Variants in USP33 observed in about 807,000 individuals in gnomAD.
The protein encoded by USP33 is ubiquitin specific peptidase 33.
In USP33, 46 loss-of-function variants were observed where a neutral mutation model predicts 124.2. That is an observed-to-expected ratio of 0.37 (90% CI 0.29 to 0.47). The LOEUF (loss-of-function observed/expected upper bound fraction) is 0.47. USP33 is among the 20% of genes least tolerant of loss of function. The pLI is 0.99. For synonymous variants in USP33, 350 were observed against 352.3 expected (o/e 0.99, Z 0.07); for missense variants, 851 against 1,070.6 (o/e 0.79, Z 2.86).
Position 77,734,352 on chromosome 1 carries a change from A to G in USP33, c.519T>C (p.Ser173=). 1 of 1,587,970 alleles carries G rather than the reference A, an allele frequency of 6.3e-7. No homozygotes were observed. Among genetic ancestry groups the G allele is most frequent in the Non-Finnish European group, 8.5e-7 (1 of 1,170,218 alleles). ...CYMNAALQAL[S]NCPPLTQFFL... ...AAATTAATTTCTCTATTTACCAATT[A>G]GAAAGAGCCTGCAAAGCTGCATTCA... Residue 173 remains serine (S), a synonymous_variant, in exon 7 of 24, where the codon TCT becomes TCC. Coordinates refer to ENST00000370794, the MANE Select transcript of USP33 (RefSeq NM_201624.3).
At chr1:77,711,521 T>A in intron 21 of USP33, 1 of 517,790 alleles carries the variant, frequency 1.9e-6, no homozygotes, top group Non-Finnish European at 2.7e-6. Flanking sequence ...AGCAAGATTT[T>A]GTCTCATACA....
intron 6 of USP33, 95 bp downstream of exon 6, chr1:77,735,961 C>A: frequency 1.1e-6 from 1 of 875,616 alleles, no homozygotes. Context: ...TTATCAAGCC[C>A]ATTTTACCTC....
At chr1:77,757,959 AT>A (rs1305362788) in intron 1 of USP33, among the ~76,000 whole-genome samples, 3 of 152,208 alleles carry the variant, frequency 2.0e-5, no homozygotes, top group Non-Finnish European at 4.4e-5. Flanking sequence ...AATTTCAAAT[AT>A]TTAAAATCAC....
At chr1:77,749,217 T>C (rs565806055) in intron 1 of USP33, among the ~76,000 whole-genome samples, 16 of 152,342 alleles carry the variant, frequency 1.1e-4, no homozygotes, top group African/African-American at 3.6e-4. Context: ...TTTTATTCCA[T>C]ATCTTTTTCT....
intron 15 of USP33, among the ~76,000 whole-genome samples, chr1:77,718,942 A>AAAAAG (rs1676243123): frequency 6.6e-6 from 1 of 150,916 alleles, no homozygotes; most frequent in African/African-American, 2.4e-5. Flanking sequence ...AAAAAAAAAA[A>AAAAAG]AAAGAAAGAA....
chr1:77,746,563 T>C (rs539281508), intron 1 of USP33: 2 of 152,222 alleles, frequency 1.3e-5, no homozygotes, highest in African/African-American at 2.4e-5. Context: ...AAGCCTGGTA[T>C]AGACACAACA....
At chr1:77,746,379 G>C (rs548434043) in intron 1 of USP33, 9 of 152,322 alleles carry the variant, frequency 5.9e-5, no homozygotes, top group African/African-American at 2.2e-4. Context: ...CTGAAATTGA[G>C]GCAATAATAG....
intron 7 of USP33, 101 bp downstream of exon 7, chr1:77,734,246 T>C: frequency 1.2e-6 from 1 of 868,366 alleles, no homozygotes; most frequent in East Asian, 2.7e-5. Flanking sequence ...TTCTTGCCTG[T>C]TCTACCTTGA....
In USP33 at chr1:77,711,853, T is replaced by C; in HGVS notation, c.2300A>G (p.Tyr767Cys). Reference sequence around the variant, plus strand: ...ATGGTTGACAGCTGGTCCTCCACCATACCTAAAGCATGAAAAATTTAAGAA... The same window carrying C: ...ATGGTTGACAGCTGGTCCTCCACCACACCTAAAGCATGAAAAATTTAAGAA... ...QNIWDNLYSR[Y>C]GGGPAVNHLY... Residue 767 changes from tyrosine to cysteine, a missense_variant and splice_region_variant, in exon 21 of 24, where the codon TAT becomes TGT. Physicochemically the swap from Tyr to Cys is radical, Grantham distance 194. Transcript: ENST00000370794. 1 of 1,588,602 alleles carries C rather than the reference T, an allele frequency of 6.3e-7. No individual in the cohort carries two copies. Among genetic ancestry groups the C allele is most frequent in the Non-Finnish European group, 8.5e-7 (1 of 1,173,358 alleles).
intron 21 of USP33, among the ~76,000 whole-genome samples, chr1:77,705,025 C>T (rs1280545984): frequency 2.7e-5 from 4 of 149,580 alleles, no homozygotes; most frequent in East Asian, 2.0e-4. Flanking sequence ...TCTGCTTTTT[C>T]GGTTTTTCAG....
At chr1:77,701,628 C>T (rs1231619100) in intron 21 of USP33, 157 bp from the exon 22 acceptor site, 15 of 565,174 alleles carry the variant, frequency 2.7e-5, no homozygotes, top group Non-Finnish European at 4.6e-5. Context: ...GTCTGGGCAA[C>T]ATCGTGAGAA....
intron 21 of USP33, among the ~76,000 whole-genome samples, chr1:77,706,408 T>C (rs1674634185): frequency 6.6e-6 from 1 of 152,226 alleles, no homozygotes; most frequent in Non-Finnish European, 1.5e-5. Context: ...CTGAGTTGTA[T>C]GTTCTTTATA....
intron 1 of USP33, among the ~76,000 whole-genome samples, chr1:77,747,476 C>T (rs1270390018): frequency 6.6e-6 from 1 of 151,960 alleles, no homozygotes; most frequent in Non-Finnish European, 1.5e-5. Flanking sequence ...AGGCTGGTCT[C>T]AAACTCCTAG....
chr1:77,706,428 T>C (rs1674638695), intron 21 of USP33, among the ~76,000 whole-genome samples: 1 of 152,250 alleles, frequency 6.6e-6, no homozygotes, highest in South Asian at 2.1e-4. Flanking sequence ...ATACATAGTC[T>C]GGATATGAGT....
At chr1:77,744,463 A>G (rs1287069406) in intron 1 of USP33, among the ~76,000 whole-genome samples, 1 of 152,248 alleles carries the variant, frequency 6.6e-6, no homozygotes, top group East Asian at 1.9e-4. Context: ...TCCACAAGCA[A>G]TTTAAACTCA....
In USP33 at chr1:77,721,921, C is replaced by G. The variant is rs1676604994; in HGVS notation, c.1567G>C (p.Val523Leu). ...AACCAGCTAGGGACACATGAGACAA[C>G]AAACCTGAAACATCATTGATAGAAA... is the stretch of plus-strand genomic sequence containing the variant. ...AFFMEYVKRF[V>L]VSCVPSWFWG... The change falls in exon 14 of 24, where the codon GTT becomes CTT. Residue 523 changes from valine to leucine, a missense_variant. Transcript: ENST00000370794. The G allele has an allele frequency of 6.2e-7, 1 of 1,607,086 alleles. No individual in the cohort carries two copies. Among genetic ancestry groups the G allele is most frequent in the Non-Finnish European group, 8.5e-7 (1 of 1,178,272 alleles).
intron 4 of USP33, 42 bp downstream of exon 4, chr1:77,740,835 C>A (rs1557861494): frequency 7.0e-7 from 1 of 1,435,552 alleles, no homozygotes; most frequent in Non-Finnish European, 9.5e-7. Flanking sequence ...CCTTCAGGCA[C>A]TTTTTTTAAC....
chr1:77,759,496 G>A, intron 1 of USP33, 147 bp downstream of exon 1: 1 of 396,956 alleles, frequency 2.5e-6, no homozygotes, highest in Non-Finnish European at 4.4e-6. Context: ...CTTCCCGCCC[G>A]CGAACCCGCC....
rs955595984 is a variant in USP33 at position 77,735,479 on chromosome 1, ATATT to A, written c.454+573_454+576del. Among the ~76,000 whole-genome samples the A allele has an allele frequency of 1.3e-5, 2 of 152,200 alleles. 1 individual carries two copies. Among genetic ancestry groups the A allele is most frequent in the African/African-American group, 4.8e-5 (2 of 41,454 alleles). ...GGGTTAAAACTGGGAAATACATAAA[ATATT>A]TATAACTTATCTCTAGTCATGTTAA... On this transcript the variant is annotated intron_variant, in intron 6 of 23. Coordinates refer to ENST00000370794, the MANE Select transcript of USP33 (RefSeq NM_201624.3).
Sources: allele counts gnomAD v4.1 joint callset (sites outside exome capture counted in the v4.1 genomes callset), GRCh38; gene constraint gnomAD v4.1.1; transcripts MANE v1.5; gene names NCBI Gene and HGNC (gene_info 2026-07-23, HGNC 2026-07-21).